The following LAMA2 variants were observed in gnomAD, a reference collection of about 807,000 sequenced individuals.
The protein encoded by LAMA2 is laminin subunit alpha-2.
A neutral mutation model predicts 364.8 loss-of-function variants in LAMA2; 269 were observed. That is an observed-to-expected ratio of 0.74 (90% confidence interval 0.67 to 0.82). The LOEUF (loss-of-function observed/expected upper bound fraction) is 0.82. LAMA2 is among the 40% of genes least tolerant of loss of function. The pLI is 0.00. For synonymous variants in LAMA2, 1,379 were observed against 1,370.6 expected (o/e 1.01, Z -0.14); for missense variants, 3,807 against 3,873.2 (o/e 0.98, Z 0.45).
At chr6:129,170,443 G>A (rs1780064916) in intron 9 of LAMA2, among the ~76,000 whole-genome samples, 1 of 128,216 alleles carries the variant, frequency 7.8e-6, no homozygotes, top group East Asian at 2.1e-4. Context: ...TCAGGAGCAG[G>A]TTGTTCAGTT....
chr6:129,271,920 C>T (rs1787968560), intron 17 of LAMA2, among the ~76,000 whole-genome samples: 1 of 152,120 alleles, frequency 6.6e-6, no homozygotes, highest in Non-Finnish European at 1.5e-5. Context: ...TCAATGAATA[C>T]TATAAGCTAA....
intron 49 of LAMA2, 121 bp from the exon 50 acceptor site, chr6:129,464,169 T>C: frequency 3.5e-6 from 3 of 848,276 alleles, no homozygotes; most frequent in Non-Finnish European, 4.0e-6. Flanking sequence ...GGAATGAAGA[T>C]GTATTTAGGG....
intron 1 of LAMA2, among the ~76,000 whole-genome samples, chr6:129,046,403 C>T (rs1401232896): frequency 6.6e-6 from 1 of 152,142 alleles, no homozygotes; most frequent in Non-Finnish European, 1.5e-5. Context: ...GTAACAAAGG[C>T]AGGTCTTACA....
intron 45 of LAMA2, 83 bp downstream of exon 45, chr6:129,445,904 C>T: frequency 7.4e-7 from 1 of 1,359,488 alleles, no homozygotes; most frequent in South Asian, 1.2e-5. Flanking sequence ...CCCAGGATTC[C>T]CCGTTGAATG....
rs1016574981 is a variant in LAMA2 at position 128,987,936 on chromosome 6, G to A, written c.113-61982G>A. Among the ~76,000 whole-genome samples the A allele has an allele frequency of 5.9e-5, 9 of 152,118 alleles. No homozygotes were observed. The East Asian group carries it at 9.6e-4, about 16-fold the overall frequency. On this transcript the variant is annotated intron_variant, in intron 1 of 64. Transcript: ENST00000421865. ...TGTCACCAGGCTGGAGTGCAGTGGC[G>A]AGATCTCTGCTCACTGCAACCTCTG... is the stretch of plus-strand genomic sequence containing the variant.
chr6:129,407,208 A>G (rs1780291272), intron 40 of LAMA2, among the ~76,000 whole-genome samples: 1 of 152,090 alleles, frequency 6.6e-6, no homozygotes, highest in Non-Finnish European at 1.5e-5. Flanking sequence ...TCACAGAGAC[A>G]CCCAGGAACA....
At chr6:129,093,141 C>T (rs965383114) in intron 3 of LAMA2, among the ~76,000 whole-genome samples, 1 of 151,528 alleles carries the variant, frequency 6.6e-6, no homozygotes. Flanking sequence ...CACCACCACC[C>T]CCGACTAATT....
intron 31 of LAMA2, among the ~76,000 whole-genome samples, chr6:129,350,518 C>T (rs993463567): frequency 3.9e-5 from 6 of 152,180 alleles, no homozygotes; most frequent in Non-Finnish European, 8.8e-5. Flanking sequence ...AGCTCTTTGG[C>T]CCCTAAGTGG....
At chr6:129,070,546 C>G (rs1432489991) in intron 3 of LAMA2, among the ~76,000 whole-genome samples, 1 of 143,882 alleles carries the variant, frequency 7.0e-6, no homozygotes, top group African/African-American at 2.8e-5. Context: ...GTAACAGCTT[C>G]TTTACTCTTC....
At chr6:129,187,609 T>G (rs1029761731) in intron 10 of LAMA2, among the ~76,000 whole-genome samples, 4 of 151,806 alleles carry the variant, frequency 2.6e-5, no homozygotes, top group African/African-American at 9.7e-5. Flanking sequence ...AAGTACCAAG[T>G]GAAGTTCTAG....
intron 21 of LAMA2, among the ~76,000 whole-genome samples, chr6:129,299,088 T>A (rs1773385398): frequency 6.6e-6 from 1 of 151,828 alleles, no homozygotes; most frequent in South Asian, 2.1e-4. Context: ...TATAGAAAGA[T>A]GACAGCATTT....
chr6:129,356,577 A>G (rs1361338226), intron 32 of LAMA2, among the ~76,000 whole-genome samples: 1 of 152,102 alleles, frequency 6.6e-6, no homozygotes, highest in Non-Finnish European at 1.5e-5. Context: ...TGATTTGAGC[A>G]TGGGTCAGTC....
Position 129,255,341 on chromosome 6 carries a change from G to GGTTGCA in LAMA2, c.2096+3049_2096+3054dup, listed in dbSNP as rs113033006. Among the ~76,000 whole-genome samples the GGTTGCA allele has an allele frequency of 2.2e-3, 331 of 148,754 alleles. 1 individual carries two copies. Among genetic ancestry groups the GGTTGCA allele is most frequent in the African/African-American group, 7.7e-3 (312 of 40,412 alleles). On this transcript the variant is annotated intron_variant, in intron 14 of 64. Transcript: ENST00000421865. The stretch of plus-strand genomic sequence containing the variant: ...GAATCACTTGAACCCGGGATGTGGA[G>GGTTGCA]GTTGCAGTGAGCCGAGATCGCGCCA...
At chr6:129,205,628 A>T (rs989309064) in intron 12 of LAMA2, among the ~76,000 whole-genome samples, 7 of 151,874 alleles carry the variant, frequency 4.6e-5, no homozygotes, top group Non-Finnish European at 1.0e-4. Flanking sequence ...TGATTAAATG[A>T]GTTTTGGTAC....
At chr6:129,138,526 A>T (rs1377303180) in intron 4 of LAMA2, among the ~76,000 whole-genome samples, 5 of 152,130 alleles carry the variant, frequency 3.3e-5, no homozygotes. Context: ...TAAAGATTTT[A>T]TTAATCTGTA....
At chr6:129,045,014 G>A (rs1787376771) in intron 1 of LAMA2, among the ~76,000 whole-genome samples, 1 of 152,124 alleles carries the variant, frequency 6.6e-6, no homozygotes, top group African/African-American at 2.4e-5. Flanking sequence ...AATAAGACAT[G>A]CTGAAGATTC....
chr6:129,388,183 G>A (rs180870148), intron 35 of LAMA2, among the ~76,000 whole-genome samples: 4 of 152,016 alleles, frequency 2.6e-5, no homozygotes, highest in Admixed American at 6.5e-5. Flanking sequence ...CTTGAACCCA[G>A]GAGGTGCGGT....
chr6:129,497,277 A>G (rs1785263755), intron 58 of LAMA2, among the ~76,000 whole-genome samples: 2 of 151,642 alleles, frequency 1.3e-5, no homozygotes, highest in South Asian at 4.2e-4. Context: ...TTGCTCTGTC[A>G]CCCAGGCTGG....
At chr6:129,278,808 G>A (rs766659695) in intron 17 of LAMA2, among the ~76,000 whole-genome samples, 1 of 152,156 alleles carries the variant, frequency 6.6e-6, no homozygotes, top group Non-Finnish European at 1.5e-5. Context: ...GAGTTGAAAT[G>A]TTTAAAATGA....
Sources: gnomAD v4.1 joint callset for allele counts (sites outside exome capture counted in the v4.1 genomes callset) on GRCh38, gnomAD v4.1.1 for gene constraint, MANE v1.5 for transcripts, NCBI Gene and HGNC (gene_info 2026-07-23, HGNC 2026-07-21) for gene names.